Variants in CACNA1E observed in about 807,000 individuals in gnomAD.
CACNA1E encodes voltage-dependent R-type calcium channel subunit alpha-1E.
Under a neutral mutation model 259.2 loss-of-function variants are expected in CACNA1E, and 40 were observed. The observed-to-expected ratio is 0.15, with a 90% CI of 0.12 to 0.20. The LOEUF is 0.20. Among genes scored for constraint, CACNA1E ranks in the 10% least tolerant of loss-of-function variants. The pLI is 1.00. For missense variants in CACNA1E, 1,874 were observed against 3,040.1 expected, an observed-to-expected ratio of 0.62 and a Z score of 9.02; for synonymous variants, 1,104 against 1,138.5, an observed-to-expected ratio of 0.97 and a Z score of 0.61.
intron 38 of CACNA1E, among the ~76,000 whole-genome samples, chr1:181,777,696 A>G (rs894909106): frequency 1.3e-5 from 2 of 152,224 alleles, no homozygotes; most frequent in Non-Finnish European, 2.9e-5. Flanking sequence ...CGTGATACCT[A>G]CATAACTTGC....
At chr1:181,365,127 G>T (rs1654173239) in intron 1 of CACNA1E, among the ~76,000 whole-genome samples, 1 of 152,200 alleles carries the variant, frequency 6.6e-6, no homozygotes, top group Admixed American at 6.5e-5. Flanking sequence ...GTGAATGAAG[G>T]TGAGGACAGC....
chr1:181,487,447 C>G (rs1287600885), intron 1 of CACNA1E, among the ~76,000 whole-genome samples: 1 of 152,100 alleles, frequency 6.6e-6, no homozygotes, highest in Non-Finnish European at 1.5e-5. Context: ...AGTCAACAGC[C>G]TACTCTGAAT....
chr1:181,397,589 C>T (rs1007797400), intron 1 of CACNA1E, among the ~76,000 whole-genome samples: 1 of 152,190 alleles, frequency 6.6e-6, no homozygotes, highest in African/African-American at 2.4e-5. Flanking sequence ...TGAGCCACTG[C>T]GCCTGGACAG....
chr1:181,622,167 G>T (rs1041855908), intron 6 of CACNA1E, among the ~76,000 whole-genome samples: 1 of 152,152 alleles, frequency 6.6e-6, no homozygotes, highest in Non-Finnish European at 1.5e-5. Flanking sequence ...CCATGCCTAG[G>T]TTATGCTGTA....
intron 1 of CACNA1E, among the ~76,000 whole-genome samples, chr1:181,362,877 C>T (rs1212319876): frequency 6.6e-6 from 1 of 152,214 alleles, no homozygotes; most frequent in Non-Finnish European, 1.5e-5. Context: ...TTGGGCTGAC[C>T]TGACCCCTAG....
chr1:181,701,986 A>G (rs1226040979), intron 7 of CACNA1E, among the ~76,000 whole-genome samples: 1 of 152,182 alleles, frequency 6.6e-6, no homozygotes, highest in Non-Finnish European at 1.5e-5. Context: ...GAGAAAGAGC[A>G]TCTAGGATGG....
chr1:181,455,290 C>T (rs937331527), intron 2 of CACNA1E, among the ~76,000 whole-genome samples: 37 of 152,078 alleles, frequency 2.4e-4, no homozygotes, highest in African/African-American at 8.9e-4. Context: ...AGGGGAGGAG[C>T]AATTTTTGAG....
intron 1 of CACNA1E, among the ~76,000 whole-genome samples, chr1:181,340,767 C>A (rs1490842757): frequency 1.3e-5 from 2 of 151,964 alleles, no homozygotes; most frequent in Non-Finnish European, 2.9e-5. Context: ...TATGAGTGTC[C>A]CTCAAGGAAA....
At chr1:181,436,351 C>T (rs1660087534) in intron 2 of CACNA1E, among the ~76,000 whole-genome samples, 1 of 152,138 alleles carries the variant, frequency 6.6e-6, no homozygotes, top group Admixed American at 6.5e-5. Context: ...ATCCAGTAGT[C>T]CCACTTCTGG....
intron 3 of CACNA1E, among the ~76,000 whole-genome samples, chr1:181,512,127 A>C (rs1666221572): frequency 6.6e-6 from 1 of 152,266 alleles, no homozygotes; most frequent in Admixed American, 6.5e-5. Flanking sequence ...AGCATATATG[A>C]TGGCAGTACA....
chr1:181,511,629 A>G, intron 3 of CACNA1E, 119 bp downstream of exon 3: 1 of 1,182,036 alleles, frequency 8.5e-7, no homozygotes. Context: ...GGGGCAGAAG[A>G]AAAAGTTCAA....
chr1:181,806,298 G>A lies in CACNA1E; in HGVS notation c.*7464G>A, dbSNP rs1454312230. On this transcript the variant is annotated 3_prime_UTR_variant, in exon 48 of 48. Coordinates refer to ENST00000367573, the MANE Select transcript of CACNA1E (RefSeq NM_001205293.3). ...ATTTCAGACTCTGCAGGGTGCACCG[G>A]TTCTAGCCTCAAATAACAACATTGC... The A allele has an allele frequency of 3.9e-5, 6 of 152,256 alleles. No individual in the cohort carries two copies. The highest frequency in any genetic ancestry group is 7.3e-5 in the Non-Finnish European group (5 of 68,098). The allele number at this position is 152,256 out of a possible 1,614,324, so 9.4% of individuals were successfully genotyped here.
chr1:181,529,374 G>A (rs571071658), intron 3 of CACNA1E, among the ~76,000 whole-genome samples: 1 of 152,368 alleles, frequency 6.6e-6, no homozygotes, highest in African/African-American at 2.4e-5. Flanking sequence ...GAGAACCTCT[G>A]CTAGGGCAGT....
intron 3 of CACNA1E, among the ~76,000 whole-genome samples, chr1:181,535,748 T>C (rs1668122897): frequency 6.6e-6 from 1 of 151,532 alleles, no homozygotes; most frequent in African/African-American, 2.4e-5. Flanking sequence ...AGTGCAACAG[T>C]GCAATCTCAG....
chr1:181,701,529 C>T (rs1652257376), intron 7 of CACNA1E, among the ~76,000 whole-genome samples: 1 of 152,196 alleles, frequency 6.6e-6, no homozygotes, highest in Non-Finnish European at 1.5e-5. Flanking sequence ...GCATGTACAC[C>T]TCTGAGTTCA....
intron 2 of CACNA1E, 83 bp downstream of exon 2, chr1:181,510,665 C>T: frequency 1.1e-6 from 1 of 870,568 alleles, no homozygotes; most frequent in Non-Finnish European, 1.9e-6. Context: ...CTCCCATTCC[C>T]TTCCTGCCTG....
chr1:181,516,607 C>T lies in CACNA1E; in HGVS notation c.512+5097C>T, dbSNP rs541679122. Among the ~76,000 whole-genome samples, 5 of 152,316 alleles carry T rather than the reference C, an allele frequency of 3.3e-5. No homozygotes were observed. The South Asian group carries it at 1.0e-3, about 32-fold the overall frequency. ...GATGTCACTGCCTCAGACTCAGCGA[C>T]AGCACCAGCTGTTCCTGTGCTGCTG... is the stretch of plus-strand genomic sequence containing the variant. On this transcript the variant is annotated intron_variant, in intron 3 of 47. Transcript: ENST00000367573.
intron 8 of CACNA1E, among the ~76,000 whole-genome samples, chr1:181,714,298 G>A (rs565997313): frequency 2.2e-4 from 34 of 152,224 alleles, no homozygotes; most frequent in Admixed American, 2.2e-3. Flanking sequence ...TACAACTCAG[G>A]AACAGCCCAA....
chr1:181,578,630 G>A (rs1163441831), intron 4 of CACNA1E, among the ~76,000 whole-genome samples: 1 of 152,176 alleles, frequency 6.6e-6, no homozygotes, highest in Non-Finnish European at 1.5e-5. Context: ...TATGTTGCTG[G>A]ATGGCATAAA....
Sources: allele counts gnomAD v4.1 joint callset (sites outside exome capture counted in the v4.1 genomes callset), GRCh38; gene constraint gnomAD v4.1.1; transcripts MANE v1.5; gene names NCBI Gene and HGNC (gene_info 2026-07-23, HGNC 2026-07-21).